Variants in DPY19L1 observed in about 807,000 individuals in gnomAD.
DPY19L1 encodes protein C-mannosyl-transferase DPY19L1.
Under a neutral mutation model 96.9 loss-of-function variants are expected in DPY19L1, and 35 were observed. The observed-to-expected ratio is 0.36, with a 90% CI of 0.28 to 0.48. The LOEUF (loss-of-function observed/expected upper bound fraction) is 0.48. Among genes scored for constraint, DPY19L1 ranks in the 20% least tolerant of loss-of-function variants. The pLI is 0.99. For missense variants in DPY19L1, 521 were observed against 777.9 expected, an observed-to-expected ratio of 0.67 and a Z score of 3.93; for synonymous variants, 205 against 252.6, an observed-to-expected ratio of 0.81 and a Z score of 1.79.
chr7:34,955,479 A>G, intron 11 of DPY19L1, 112 bp from the exon 12 acceptor site: 2 of 1,382,770 alleles, frequency 1.4e-6, no homozygotes, highest in East Asian at 2.5e-5. Context: ...AATTTAGCAC[A>G]TGGTTGACTT....
chr7:35,026,172 C>G (rs1257392260), intron 1 of DPY19L1, among the ~76,000 whole-genome samples: 3 of 152,080 alleles, frequency 2.0e-5, no homozygotes, highest in Non-Finnish European at 4.4e-5. Flanking sequence ...CTAGGTAGTT[C>G]TTCACAAAAT....
chr7:34,962,320 T>C (rs562986730), intron 10 of DPY19L1, among the ~76,000 whole-genome samples: 9 of 152,322 alleles, frequency 5.9e-5, no homozygotes, highest in South Asian at 2.1e-4. Flanking sequence ...TTATTTGCTT[T>C]TTACTAAGTG....
chr7:35,037,747 C>A (rs976769164), upstream of DPY19L1: 16 of 1,022,358 alleles, frequency 1.6e-5, no homozygotes, highest in Non-Finnish European at 1.9e-5. Context: ...GCGCTCCAGG[C>A]CGGCCAGCGC....
chr7:34,947,014 T>C (rs1247445710), intron 15 of DPY19L1, among the ~76,000 whole-genome samples: 2 of 152,386 alleles, frequency 1.3e-5, no homozygotes, highest in East Asian at 1.9e-4. Flanking sequence ...GTCTGTCGTC[T>C]CTTTTTCCAT....
intron 7 of DPY19L1, among the ~76,000 whole-genome samples, chr7:34,977,094 T>C (rs1487249975): frequency 2.6e-5 from 4 of 152,074 alleles, no homozygotes; most frequent in Non-Finnish European, 4.4e-5. Flanking sequence ...GGTATGTACA[T>C]TGTTTTTTAG....
intron 6 of DPY19L1, among the ~76,000 whole-genome samples, chr7:34,995,287 G>T (rs1785258141): frequency 6.6e-6 from 1 of 151,390 alleles, no homozygotes; most frequent in South Asian, 2.1e-4. Flanking sequence ...CCCCACTATA[G>T]TTGATCAGTT....
At chr7:34,977,849 C>G (rs1188072637) in intron 7 of DPY19L1, among the ~76,000 whole-genome samples, 2 of 151,250 alleles carry the variant, frequency 1.3e-5, no homozygotes, top group Non-Finnish European at 2.9e-5. Flanking sequence ...TATGTTGTTT[C>G]TAAGTATAAG....
At chr7:34,989,393 T>C (rs1365625734) in intron 7 of DPY19L1, among the ~76,000 whole-genome samples, 1 of 152,090 alleles carries the variant, frequency 6.6e-6, no homozygotes, top group African/African-American at 2.4e-5. Context: ...GGCAGGAGGA[T>C]TGCTTGAGGC....
At chr7:35,010,048 G>A (rs1308431862) in intron 6 of DPY19L1, among the ~76,000 whole-genome samples, 1 of 151,996 alleles carries the variant, frequency 6.6e-6, no homozygotes, top group African/African-American at 2.4e-5. Context: ...GGGCAACATA[G>A]CAAACCCTGT....
intron 15 of DPY19L1, among the ~76,000 whole-genome samples, 158 bp from the exon 16 acceptor site, chr7:34,945,874 A>G (rs1460222922): frequency 2.0e-5 from 3 of 152,238 alleles, no homozygotes; most frequent in Admixed American, 1.3e-4. Context: ...TTATATTTGT[A>G]TAGTATCTGA....
intron 21 of DPY19L1, among the ~76,000 whole-genome samples, chr7:34,936,508 T>C (rs28379415): frequency 0.028 from 4,261 of 152,312 alleles, 69 homozygotes; most frequent in Non-Finnish European, 0.044. Flanking sequence ...CCCATTCTGG[T>C]AGAAAGCTAT....
At chr7:34,970,478 T>A (rs544683599) in intron 8 of DPY19L1, among the ~76,000 whole-genome samples, 3 of 152,288 alleles carry the variant, frequency 2.0e-5, no homozygotes, top group East Asian at 3.9e-4. Context: ...TATGACTATA[T>A]CCTACTTACG....
intron 7 of DPY19L1, chr7:34,987,942 A>T (rs1785084982): frequency 6.6e-6 from 1 of 152,032 alleles, no homozygotes; most frequent in South Asian, 2.1e-4. Context: ...TAAAACTGAA[A>T]TTCTAATTCT....
intron 10 of DPY19L1, among the ~76,000 whole-genome samples, chr7:34,963,288 T>C (rs1024282026): frequency 3.3e-5 from 5 of 151,598 alleles, no homozygotes; most frequent in African/African-American, 1.2e-4. Context: ...CACGGTGAGA[T>C]ATCACCTTAT....
chr7:34,980,550 T>G (rs571727044), intron 7 of DPY19L1, among the ~76,000 whole-genome samples: 1 of 152,244 alleles, frequency 6.6e-6, no homozygotes, highest in South Asian at 2.1e-4. Flanking sequence ...TTGTAGAACA[T>G]ATATTCTATA....
intron 11 of DPY19L1, among the ~76,000 whole-genome samples, chr7:34,956,931 T>A (rs900385663): frequency 6.6e-6 from 1 of 152,218 alleles, no homozygotes; most frequent in African/African-American, 2.4e-5. Flanking sequence ...AAGTCGAATA[T>A]ATTCCAATTA....
In DPY19L1 at chr7:34,931,405, G is replaced by C; in HGVS notation, c.*168C>G. The stretch of plus-strand genomic sequence containing the variant: ...GAAATAGTAACCAATTGATAAAGGT[G>C]TAAGTCATTTTTATAATTAGAATGA... On this transcript the variant is annotated 3_prime_UTR_variant, in exon 22 of 22. Coordinates refer to ENST00000638088, the MANE Select transcript of DPY19L1 (RefSeq NM_001366673.1). 2.1e-6 allele frequency: 2 copies of C among 950,176 alleles called. No individual in the cohort carries two copies. Among genetic ancestry groups the C allele is most frequent in the Non-Finnish European group, 2.9e-6 (2 of 693,376 alleles). 58.9% of individuals were successfully genotyped at this position (950,176 alleles called of 1,614,324 possible).
chr7:34,941,356 C>G (rs953614718), intron 18 of DPY19L1, among the ~76,000 whole-genome samples: 1 of 151,666 alleles, frequency 6.6e-6, no homozygotes, highest in Non-Finnish European at 1.5e-5. Context: ...AATGTGCACA[C>G]AAATTGCACC....
chr7:35,023,140 A>C (rs566682613), intron 1 of DPY19L1, among the ~76,000 whole-genome samples: 3 of 152,064 alleles, frequency 2.0e-5, no homozygotes, highest in Non-Finnish European at 4.4e-5. Flanking sequence ...GACACTGAAC[A>C]AACCATCCTC....
Sources: gnomAD v4.1 joint callset for allele counts (sites outside exome capture counted in the v4.1 genomes callset) on GRCh38, gnomAD v4.1.1 for gene constraint, MANE v1.5 for transcripts, NCBI Gene and HGNC (gene_info 2026-07-23, HGNC 2026-07-21) for gene names.